The following PRKG1 variants were observed in gnomAD, a reference collection of about 807,000 sequenced individuals.
PRKG1 encodes the protein cGMP-dependent protein kinase 1.
Under a neutral mutation model 88.1 loss-of-function variants are expected in PRKG1, and 35 were observed. That is an observed-to-expected ratio of 0.40 (90% CI 0.30 to 0.53). The LOEUF (loss-of-function observed/expected upper bound fraction) is 0.53, where lower values mean the gene tolerates loss of function less well. Ranked by LOEUF, PRKG1 falls within the 20% of genes least tolerant of loss-of-function variation. PRKG1 has a pLI of 0.59. For synonymous variants in PRKG1, 303 were observed against 292.5 expected (o/e 1.04, Z -0.37); for missense variants, 540 against 839.8 (o/e 0.64, Z 4.41).
chr10:51,545,071 A>C (rs1416895921), intron 3 of PRKG1, among the ~76,000 whole-genome samples: 1 of 151,958 alleles, frequency 6.6e-6, no homozygotes. Flanking sequence ...TTCTGTTGCC[A>C]GATGTGACTC....
intron 3 of PRKG1, among the ~76,000 whole-genome samples, chr10:51,738,382 T>C (rs1207133813): frequency 2.0e-5 from 3 of 152,146 alleles, no homozygotes; most frequent in African/African-American, 7.2e-5. Flanking sequence ...TCACCTGAGT[T>C]CAAATTCTAT....
chr10:51,686,686 G>A lies in PRKG1; in HGVS notation c.593-117899G>A, dbSNP rs115966994. On this transcript the variant is annotated intron_variant, in intron 3 of 17. Transcript: ENST00000373980. ...ATTAGGACTGGAATGCAAGTAGTCT[G>A]AACACATGTGAAAAGGGAAGATTCT... Among the ~76,000 whole-genome samples, 742 of 152,264 alleles carry A rather than the reference G, an allele frequency of 4.9e-3. 7 individuals are homozygous for A. Among genetic ancestry groups the A allele is most frequent in the African/African-American group, 0.017 (719 of 41,550 alleles).
At chr10:51,060,981 G>T (rs1843684929) in intron 1 of PRKG1, among the ~76,000 whole-genome samples, 1 of 151,364 alleles carries the variant, frequency 6.6e-6, no homozygotes, top group Non-Finnish European at 1.5e-5. Context: ...TTCCTTTGAA[G>T]GTTGCAGATA....
intron 1 of PRKG1, among the ~76,000 whole-genome samples, chr10:51,046,837 C>A (rs139598384): frequency 6.6e-6 from 1 of 152,104 alleles, no homozygotes; most frequent in African/African-American, 2.4e-5. Context: ...TTAATACTGT[C>A]GGGTGATTCA....
intron 3 of PRKG1, among the ~76,000 whole-genome samples, chr10:51,715,814 G>C (rs66734649): frequency 3.0e-4 from 46 of 152,098 alleles, no homozygotes; most frequent in Non-Finnish European, 5.9e-4. Flanking sequence ...AGAAAACTTA[G>C]ATGTGTATTA....
chr10:52,044,350 T>C (rs1845816943), intron 5 of PRKG1, among the ~76,000 whole-genome samples: 1 of 152,160 alleles, frequency 6.6e-6, no homozygotes, highest in Non-Finnish European at 1.5e-5. Flanking sequence ...TGAGTCAATG[T>C]GTCATTTACT....
chr10:51,064,195 A>G (rs1391349655), intron 1 of PRKG1, among the ~76,000 whole-genome samples: 2 of 152,084 alleles, frequency 1.3e-5, no homozygotes, highest in African/African-American at 2.4e-5. Flanking sequence ...TTTTAATTAC[A>G]TATGTTTTTC....
At chr10:51,247,989 T>C (rs909995258) in intron 2 of PRKG1, among the ~76,000 whole-genome samples, 2 of 151,922 alleles carry the variant, frequency 1.3e-5, no homozygotes, top group African/African-American at 4.8e-5. Flanking sequence ...CTTGAATTAC[T>C]GTGTCTGTTA....
At chr10:51,070,875 T>C (rs5011544), upstream of PRKG1, among the ~76,000 whole-genome samples, 20,344 of 152,200 alleles carry the variant, frequency 0.13, 3,196 homozygotes, top group African/African-American at 0.38. Context: ...AAACAGGTTG[T>C]GAGTTGTTTC....
intron 2 of PRKG1, among the ~76,000 whole-genome samples, chr10:51,213,832 A>G (rs1220942170): frequency 1.3e-5 from 2 of 152,136 alleles, no homozygotes; most frequent in South Asian, 4.2e-4. Flanking sequence ...TAAGAAACTG[A>G]AAGAATATGT....
At chr10:51,773,533 A>G (rs577674571) in intron 3 of PRKG1, among the ~76,000 whole-genome samples, 22 of 152,224 alleles carry the variant, frequency 1.4e-4, no homozygotes, top group African/African-American at 5.3e-4. Context: ...CTCCATGAAA[A>G]TGTCAAGGTT....
chr10:51,764,466 G>A (rs1316305322), intron 3 of PRKG1, among the ~76,000 whole-genome samples: 1 of 152,084 alleles, frequency 6.6e-6, no homozygotes, highest in African/African-American at 2.4e-5. Context: ...GAAGTATCAA[G>A]GTCAATCTTG....
intron 9 of PRKG1, among the ~76,000 whole-genome samples, chr10:52,184,514 A>T (rs1021615306): frequency 1.2e-4 from 19 of 152,296 alleles, no homozygotes; most frequent in African/African-American, 4.6e-4. Context: ...TAGGCCTTTT[A>T]CTATTTTTTG....
chr10:51,172,381 A>G (rs1837049762), intron 2 of PRKG1, among the ~76,000 whole-genome samples: 1 of 152,116 alleles, frequency 6.6e-6, no homozygotes, highest in African/African-American at 2.4e-5. Flanking sequence ...TTTTGAAGAT[A>G]AAATTTAATA....
chr10:51,074,739 G>A lies in PRKG1; in HGVS notation c.149G>A (p.Arg50His), dbSNP rs1382232985. 6.2e-7 allele frequency: 1 copy of A among 1,613,976 alleles called. No homozygotes were observed. Among genetic ancestry groups the A allele is most frequent in the African/African-American group, 1.3e-5 (1 of 75,062 alleles). ...CTGCAGAACGAGCTGGACAAGTACC[G>A]CTCGGTGATCCGACCAGCCACCCAG... ...QKLQNELDKY[R>H]SVIRPATQQA... is the part of the protein sequence containing the mutation. The change falls in exon 1 of 18, where the codon CGC becomes CAC. Residue 50 changes from arginine to histidine, a missense_variant. Arg to His is a conservative substitution (Grantham distance 29, BLOSUM62 0). Around this residue, in one of 5 missense-constraint regions of PRKG1, gnomAD observed 400 missense variants for 562.7 expected, o/e 0.71. Transcript: ENST00000373980.
chr10:51,132,728 GTAATA>G (rs1380956818), intron 1 of PRKG1, among the ~76,000 whole-genome samples: 2 of 147,258 alleles, frequency 1.4e-5, no homozygotes, highest in African/African-American at 2.5e-5. Flanking sequence ...TATTATATAT[GTAATA>G]TAATATATAT....
intron 1 of PRKG1, chr10:51,062,504 C>T (rs1234722175): frequency 6.6e-6 from 1 of 152,050 alleles, no homozygotes; most frequent in African/African-American, 2.4e-5. Flanking sequence ...TTCGGCTTCT[C>T]TAATTATTAT....
chr10:52,168,874 G>C (rs2132704395), intron 9 of PRKG1, among the ~76,000 whole-genome samples: 1 of 152,214 alleles, frequency 6.6e-6, no homozygotes, highest in East Asian at 1.9e-4. Context: ...GCATTATATG[G>C]TTCCCAGGTT....
chr10:51,962,191 A>G (rs183750071), intron 5 of PRKG1, among the ~76,000 whole-genome samples: 55 of 152,302 alleles, frequency 3.6e-4, no homozygotes, highest in Non-Finnish European at 1.9e-4. Context: ...ACTAGCACCA[A>G]GGATGGGTAG....
Sources: gnomAD v4.1 joint callset for allele counts (sites outside exome capture counted in the v4.1 genomes callset) on GRCh38, gnomAD v4.1.1 for gene constraint, gnomAD v4.1.1 regional missense constraint, MANE v1.5 for transcripts, NCBI Gene and HGNC (gene_info 2026-07-23, HGNC 2026-07-21) for gene names.